The following RBBP4 variants were observed in gnomAD, a reference collection of about 807,000 sequenced individuals.
RBBP4 encodes the protein histone-binding protein RBBP4.
A neutral mutation model predicts 57.2 loss-of-function variants in RBBP4; 3 were observed. That is an observed-to-expected ratio of 0.05 (90% confidence interval 0.02 to 0.14). The LOEUF (loss-of-function observed/expected upper bound fraction) is 0.14. Ranked by LOEUF, RBBP4 falls within the 10% of genes least tolerant of loss-of-function variation. RBBP4 has a pLI of 1.00. For synonymous variants in RBBP4, 151 were observed against 171.5 expected, an observed-to-expected ratio of 0.88 and a Z score of 0.93; for missense variants, 107 against 520.6, an observed-to-expected ratio of 0.21 and a Z score of 7.73.
At chr1:32,675,539 G>T (rs921337983) in intron 11 of RBBP4, among the ~76,000 whole-genome samples, 19 of 151,898 alleles carry the variant, frequency 1.3e-4, no homozygotes, top group African/African-American at 4.1e-4. Flanking sequence ...GGAGGCCGAG[G>T]CGGGTGGATC....
chr1:32,681,831 C>A lies in RBBP4; in HGVS notation c.*2126C>A. ...GAAGTTTTTTGCTGTTTCCGGGTTA[C>A]AGATTTGGCCATATATTTCTAAACA... On this transcript the variant is annotated 3_prime_UTR_variant, in exon 12 of 12. Transcript: ENST00000373493. 1.2e-6 allele frequency: 2 copies of A among 1,614,128 alleles called. No homozygotes were observed. The highest frequency in any genetic ancestry group is 2.2e-5 in the East Asian group (1 of 44,882).
At position 32,684,696 on chromosome 1, in the gene RBBP4, G is replaced by C; in HGVS notation, c.*4991G>C. 3.8e-6 allele frequency: 1 copy of C among 262,004 alleles called. No homozygotes were observed. The allele number at this position is 262,004 out of a possible 1,614,324, so 16.2% of individuals were successfully genotyped here. On this transcript the variant is annotated 3_prime_UTR_variant, in exon 12 of 12. Transcript: ENST00000373493. The stretch of plus-strand genomic sequence containing the variant: ...TGTCATTGAGGAGGATTTTGGTCTA[G>C]TTAGTGGGCTGAGTTTCATATACCT...
intron 3 of RBBP4, among the ~76,000 whole-genome samples, chr1:32,667,116 T>C (rs1360428850): frequency 2.6e-5 from 4 of 152,226 alleles, no homozygotes; most frequent in African/African-American, 7.2e-5. Context: ...AACCAGCTTC[T>C]TGTGGGAGAT....
Position 32,683,979 on chromosome 1 carries a change from C to G in RBBP4, c.*4274C>G. On this transcript the variant is annotated 3_prime_UTR_variant, in exon 12 of 12. Coordinates refer to ENST00000373493, the MANE Select transcript of RBBP4 (RefSeq NM_005610.3). ...TATTGTTAGGAAAGCAGTAACAATG[C>G]AAACACCACTCTTCTCTTCACAAAG... is the stretch of plus-strand genomic sequence containing the variant. 2 of 1,603,858 alleles carry G rather than the reference C, an allele frequency of 1.2e-6. No individual in the cohort carries two copies. The highest frequency in any genetic ancestry group is 2.2e-5 in the South Asian group (2 of 90,618).
chr1:32,652,251 C>T (rs1485910378), intron 2 of RBBP4, 190 bp downstream of exon 2: 5 of 639,178 alleles, frequency 7.8e-6, no homozygotes, highest in Non-Finnish European at 1.3e-5. Flanking sequence ...CAAGAGAAAA[C>T]ATATTGGCGT....
At position 32,684,545 on chromosome 1, in the gene RBBP4, G is replaced by T. The variant is rs1649685847; in HGVS notation, c.*4840G>T. ...TATGAAACAGGTTCAAAGAAGTTGT[G>T]TCTTGGAAAAAAAGTGACAATGCTT... is the stretch of plus-strand genomic sequence containing the variant. On this transcript the variant is annotated 3_prime_UTR_variant, in exon 12 of 12. Coordinates refer to ENST00000373493, the MANE Select transcript of RBBP4 (RefSeq NM_005610.3). 2 of 1,046,208 alleles carry T rather than the reference G, an allele frequency of 1.9e-6. No individual in the cohort carries two copies. The highest frequency in any genetic ancestry group is 1.3e-6 in the Non-Finnish European group (1 of 745,978). The allele number at this position is 1,046,208 out of a possible 1,614,324, so 64.8% of individuals were successfully genotyped here.
rs1279095482 is a variant in RBBP4, at chr1:32,685,021, CTTT to C, written c.*5317_*5319del. Reference sequence around the variant, plus strand: ...CTAATTTCCTGCATCCTTTTTTCTTCTTTATTTTTGTATAGAGACAGGGTCTCG... The same window carrying C: ...CTAATTTCCTGCATCCTTTTTTCTTCATTTTTGTATAGAGACAGGGTCTCG... On this transcript the variant is annotated 3_prime_UTR_variant, in exon 12 of 12. Coordinates refer to ENST00000373493, the MANE Select transcript of RBBP4 (RefSeq NM_005610.3). 1.3e-5 allele frequency: 2 copies of C among 151,908 alleles called. No homozygotes were observed. Among genetic ancestry groups the C allele is most frequent in the African/African-American group, 2.4e-5 (1 of 41,286 alleles). The allele number at this position is 151,908 out of a possible 1,614,324, so 9.4% of individuals were successfully genotyped here.
intron 2 of RBBP4, among the ~76,000 whole-genome samples, chr1:32,654,235 A>G (rs907565666): frequency 3.9e-5 from 6 of 152,038 alleles, no homozygotes; most frequent in East Asian, 1.9e-4. Flanking sequence ...TTATCCGGGC[A>G]TGGTGGTGCG....
chr1:32,671,879 C>T (rs1291368810), intron 8 of RBBP4, among the ~76,000 whole-genome samples: 1 of 152,130 alleles, frequency 6.6e-6, no homozygotes, highest in East Asian at 1.9e-4. Flanking sequence ...GGTGACAGAG[C>T]AAGACTTCCG....
intron 11 of RBBP4, among the ~76,000 whole-genome samples, chr1:32,679,226 G>A (rs1649269026): frequency 6.6e-6 from 1 of 152,160 alleles, no homozygotes; most frequent in African/African-American, 2.4e-5. Flanking sequence ...GAACCTGGGA[G>A]GCATAGGTTG....
Position 32,661,426 on chromosome 1 carries a change from C to G in RBBP4, c.310+3854C>G, listed in dbSNP as rs409366. On this transcript the variant is annotated intron_variant, in intron 3 of 11. Coordinates refer to ENST00000373493, the MANE Select transcript of RBBP4 (RefSeq NM_005610.3). ...TCTTCTGCCTCAGCTTCCCGAGTAT[C>G]TGGGATTACAGTCATGCGCCACCAT... 8.8e-3 allele frequency among the ~76,000 whole-genome samples: 1,334 copies of G among 150,928 alleles called. 19 individuals are homozygous for G. Among genetic ancestry groups the G allele is most frequent in the African/African-American group, 0.03 (1,251 of 41,176 alleles).
intron 8 of RBBP4, among the ~76,000 whole-genome samples, chr1:32,671,761 C>T (rs1353749413): frequency 2.0e-5 from 3 of 149,768 alleles, no homozygotes; most frequent in South Asian, 4.4e-4. Flanking sequence ...GCCGTGGTGG[C>T]GGACACCTGT....
chr1:32,667,704 A>G (rs1160097748), intron 3 of RBBP4, among the ~76,000 whole-genome samples: 1 of 152,216 alleles, frequency 6.6e-6, no homozygotes, highest in Admixed American at 6.5e-5. Flanking sequence ...TAATACAGCC[A>G]TCCCTCAGAA....
chr1:32,675,630 G>A (rs1485805365), intron 11 of RBBP4, among the ~76,000 whole-genome samples: 5 of 151,774 alleles, frequency 3.3e-5, no homozygotes, highest in South Asian at 2.1e-4. Flanking sequence ...TTAGCCGGGC[G>A]TGGTGGCGGG....
chr1:32,655,628 G>A (rs897884712), intron 2 of RBBP4, among the ~76,000 whole-genome samples: 8 of 152,018 alleles, frequency 5.3e-5, no homozygotes, highest in Admixed American at 1.3e-4. Context: ...TTTTTCTTCT[G>A]CCTGCCCGTG....
chr1:32,660,760 C>G (rs926851712), intron 3 of RBBP4, among the ~76,000 whole-genome samples: 2 of 151,960 alleles, frequency 1.3e-5, no homozygotes, highest in Non-Finnish European at 2.9e-5. Flanking sequence ...TTTTGTCATT[C>G]TGGTATTTGG....
rs360511 is a variant in RBBP4 at position 32,680,900 on chromosome 1, A to G, written c.*1195A>G. 0.89 allele frequency: 195,206 copies of G among 220,474 alleles called. 88,262 individuals are homozygous for G. Among genetic ancestry groups the G allele is most frequent in the Non-Finnish European group, 0.96 (108,993 of 113,144 alleles). The allele number at this position is 220,474 out of a possible 1,614,324, so 13.7% of individuals were successfully genotyped here. ...ATAAGGTAACGTTTCTTTGAAGTCT[A>G]TCTGTAGAGAACTACATGGACTTCC... On this transcript the variant is annotated 3_prime_UTR_variant, in exon 12 of 12. Transcript: ENST00000373493.
At position 32,678,667 on chromosome 1, in the gene RBBP4, A is replaced by G. The variant is rs188031582; in HGVS notation, c.1213-973A>G. Among the ~76,000 whole-genome samples, 183 of 124,574 alleles carry G rather than the reference A, an allele frequency of 1.5e-3. 3 individuals carry two copies. In the East Asian group the frequency reaches 0.042, roughly 29 times the overall value. The allele number at this position is 124,574 out of a possible 152,430, so 81.7% of individuals were successfully genotyped here. A position where few individuals can be genotyped will look rare whatever the true frequency, so the allele number is the denominator to read the frequency against. On this transcript the variant is annotated intron_variant, in intron 11 of 11. Transcript: ENST00000373493. Reference sequence around the variant, plus strand: ...TGCAGTGGTGCAATCTTGGCTCACTACAACCACCACCTCCCAGGTTCAATC... The same window carrying G: ...TGCAGTGGTGCAATCTTGGCTCACTGCAACCACCACCTCCCAGGTTCAATC...
At position 32,672,472 on chromosome 1, in the gene RBBP4, A is replaced by G; in HGVS notation, c.989A>G (p.Glu330Gly). 6.2e-7 allele frequency: 1 copy of G among 1,609,258 alleles called. No homozygotes were observed. Among genetic ancestry groups the G allele is most frequent in the Non-Finnish European group, 8.5e-7 (1 of 1,176,482 alleles). The stretch of plus-strand genomic sequence containing the variant: ...TAGGTTCAGTGGTCACCTCACAATG[A>G]GACTATTTTAGCTTCCAGTGGTACT... ...IFQVQWSPHN[E>G]TILASSGTDR... Residue 330 changes from glutamate to glycine, a missense_variant, in exon 9 of 12, where the codon GAG (glutamate) becomes GGG (glycine). This residue lies in a region of RBBP4 where 92 missense variants were observed against 408.5 expected (regional missense o/e 0.23). Transcript: ENST00000373493.
Sources: gnomAD v4.1 joint callset for allele counts (sites outside exome capture counted in the v4.1 genomes callset) on GRCh38, gnomAD v4.1.1 for gene constraint, gnomAD v4.1.1 regional missense constraint, MANE v1.5 for transcripts, NCBI Gene and HGNC (gene_info 2026-07-23, HGNC 2026-07-21) for gene names.